SFMBT2: variants seen among roughly 807,000 people sequenced by gnomAD.
The protein encoded by SFMBT2 is scm-like with four MBT domains protein 2.
In SFMBT2, 38 loss-of-function variants were observed where a neutral mutation model predicts 110.1. The observed-to-expected ratio is 0.35, with a 90% CI of 0.27 to 0.45. SFMBT2 has a LOEUF of 0.45. SFMBT2 is among the 20% of genes least tolerant of loss of function. The pLI, the probability that SFMBT2 is intolerant of heterozygous loss-of-function variation, is 1.00. For synonymous variants in SFMBT2, 425 were observed against 425.4 expected (o/e 1.00, Z 0.01); for missense variants, 1,011 against 1,094.9 (o/e 0.92, Z 1.08).
intron 17 of SFMBT2, 38 bp downstream of exon 17, chr10:7,175,952 T>C (rs1188226442): frequency 6.3e-7 from 1 of 1,588,322 alleles, no homozygotes; most frequent in South Asian, 1.1e-5. Flanking sequence ...TTTAGGTCTC[T>C]GGGCTCATGC....
chr10:7,358,041 T>C (rs1588477156), intron 4 of SFMBT2, among the ~76,000 whole-genome samples: 1 of 141,062 alleles, frequency 7.1e-6, no homozygotes, highest in South Asian at 2.4e-4. Context: ...CATGGCCCAG[T>C]GACATCAACA....
rs996434984 is a variant in SFMBT2 at position 7,172,989 on chromosome 10, G to C, written c.1985-328C>G. On this transcript the variant is annotated intron_variant, in intron 17 of 20. Coordinates refer to ENST00000397167, the MANE Select transcript of SFMBT2 (RefSeq NM_001387889.1). This position sits in a 1 kb window ranked among gnomAD's most constrained non-coding sequence, Gnocchi z 4.6. ...ATTAATGAGGTCCTAAGAGTGTCCA[G>C]GAGAGACACCAAGGACCCAAGACCC... 2.6e-5 allele frequency among the ~76,000 whole-genome samples: 4 copies of C among 152,176 alleles called. No individual in the cohort carries two copies. Among genetic ancestry groups the C allele is most frequent in the Non-Finnish European group, 5.9e-5 (4 of 68,042 alleles).
intron 1 of SFMBT2, among the ~76,000 whole-genome samples, chr10:7,384,110 C>T (rs56314156): frequency 0.045 from 6,478 of 144,306 alleles, 438 homozygotes; most frequent in African/African-American, 0.16. Flanking sequence ...ACTCGGGAAG[C>T]TGAGGCAGGA....
chr10:7,333,902 G>A (rs1843638287), intron 4 of SFMBT2, among the ~76,000 whole-genome samples: 1 of 152,136 alleles, frequency 6.6e-6, no homozygotes, highest in Non-Finnish European at 1.5e-5. Context: ...AACACGGGAA[G>A]GCAGGAAATG....
intron 12 of SFMBT2, chr10:7,202,989 G>C: frequency 3.0e-6 from 3 of 985,406 alleles, no homozygotes; most frequent in Non-Finnish European, 3.6e-6. Flanking sequence ...AGAACCAGTA[G>C]CTCGCAAATA....
At chr10:7,366,031 G>A (rs1460283367) in intron 4 of SFMBT2, among the ~76,000 whole-genome samples, 1 of 152,126 alleles carries the variant, frequency 6.6e-6, no homozygotes, top group Non-Finnish European at 1.5e-5. Flanking sequence ...CACTGAAGGC[G>A]CAGGCAGCCA....
intron 7 of SFMBT2, among the ~76,000 whole-genome samples, chr10:7,251,005 T>G (rs993909963): frequency 6.6e-6 from 1 of 152,116 alleles, no homozygotes; most frequent in Admixed American, 6.5e-5. Context: ...AATTCAAAGA[T>G]TCAAAGTTAA....
intron 9 of SFMBT2, among the ~76,000 whole-genome samples, chr10:7,238,390 G>T (rs75360981): frequency 0.11 from 17,057 of 152,068 alleles, 1,080 homozygotes; most frequent in African/African-American, 0.18. Flanking sequence ...TGAAAAACAC[G>T]AATCAAACAA....
intron 12 of SFMBT2, 103 bp from the exon 13 acceptor site, chr10:7,202,625 G>A: frequency 1.3e-6 from 2 of 1,584,854 alleles, no homozygotes; most frequent in Non-Finnish European, 1.7e-6. Flanking sequence ...TTTTAAAGTA[G>A]CAATTTAAAT....
chr10:7,345,045 A>G (rs1033399607), intron 4 of SFMBT2, among the ~76,000 whole-genome samples: 16 of 151,910 alleles, frequency 1.1e-4, no homozygotes, highest in Admixed American at 2.6e-4. Flanking sequence ...CAATCAGGAG[A>G]AAAAGGAGAC....
intron 4 of SFMBT2, among the ~76,000 whole-genome samples, chr10:7,287,729 G>A (rs1313313924): frequency 6.6e-6 from 1 of 152,160 alleles, no homozygotes; most frequent in East Asian, 1.9e-4. Context: ...TTCTTCAAAG[G>A]CTTGATGCAA....
intron 16 of SFMBT2, among the ~76,000 whole-genome samples, chr10:7,184,951 T>G (rs955304709): frequency 5.3e-5 from 8 of 152,184 alleles, no homozygotes; most frequent in Non-Finnish European, 1.2e-4. Context: ...GAACAAAGCT[T>G]TCACTTCATT....
In SFMBT2 at chr10:7,170,017, C is replaced by G. The variant is rs575823286; in HGVS notation, c.2544+911G>C. On this transcript the variant is annotated intron_variant, in intron 20 of 20. Coordinates refer to ENST00000397167, the MANE Select transcript of SFMBT2 (RefSeq NM_001387889.1). This position sits in a 1 kb window ranked among gnomAD's most constrained non-coding sequence, Gnocchi z 4.6. Reference sequence around the variant, plus strand: ...GCAGCATTCAGTACGACACACCAGCCAGCGGGCTTCTGCTCTGGGCAGGCC... The same window carrying G: ...GCAGCATTCAGTACGACACACCAGCGAGCGGGCTTCTGCTCTGGGCAGGCC... 3.3e-5 allele frequency among the ~76,000 whole-genome samples: 5 copies of G among 152,306 alleles called. No homozygotes were observed. The East Asian group carries it at 9.7e-4, about 29-fold the overall frequency.
chr10:7,402,468 TC>T (rs560229464), intron 1 of SFMBT2, among the ~76,000 whole-genome samples: 67 of 152,320 alleles, frequency 4.4e-4, no homozygotes, highest in Admixed American at 1.4e-3. Context: ...GTTTCTGAAT[TC>T]CCAGGACTTG....
intron 4 of SFMBT2, among the ~76,000 whole-genome samples, chr10:7,291,026 G>A (rs1320843246): frequency 6.6e-6 from 1 of 152,012 alleles, no homozygotes; most frequent in Non-Finnish European, 1.5e-5. Flanking sequence ...ACCGGGCTGT[G>A]AGTATAAAGC....
chr10:7,189,662 C>T (rs1267471009), intron 15 of SFMBT2, among the ~76,000 whole-genome samples: 1 of 152,200 alleles, frequency 6.6e-6, no homozygotes, highest in East Asian at 1.9e-4. Context: ...CTGTGAAGCT[C>T]CACTGAGTGA....
At chr10:7,204,744 A>C (rs978592264) in intron 12 of SFMBT2, 7 of 187,072 alleles carry the variant, frequency 3.7e-5, no homozygotes, top group African/African-American at 1.4e-4. Context: ...ATGGTGGCGC[A>C]CGCCTGTTAT....
At chr10:7,225,738 C>A (rs1004333080) in intron 10 of SFMBT2, among the ~76,000 whole-genome samples, 1 of 152,172 alleles carries the variant, frequency 6.6e-6, no homozygotes, top group African/African-American at 2.4e-5. Flanking sequence ...TAGAAGAAAT[C>A]ACTCTTTAAA....
chr10:7,386,330 T>C lies in SFMBT2; in HGVS notation c.-51-4381A>G, dbSNP rs538235083. On this transcript the variant is annotated intron_variant, in intron 1 of 20. Transcript: ENST00000397167. ...GGGGAAAAAATTAAAATTCTGCGTA[T>C]GTGGGCCAGGGGAGTGGTTCGCAAT... Among the ~76,000 whole-genome samples the C allele has an allele frequency of 2.4e-3, 369 of 152,264 alleles. 3 individuals carry two copies. The highest frequency in any genetic ancestry group is 2.8e-3 in the Non-Finnish European group (190 of 68,026).
Sources: gnomAD v4.1 joint callset for allele counts (sites outside exome capture counted in the v4.1 genomes callset) on GRCh38, gnomAD v4.1.1 for gene constraint, Gnocchi (gnomAD v3.1) non-coding constraint, MANE v1.5 for transcripts, NCBI Gene and HGNC (gene_info 2026-07-23, HGNC 2026-07-21) for gene names.